The following NEUROG2 variants were observed in gnomAD, a reference collection of about 807,000 sequenced individuals.
NEUROG2 encodes neurogenin-2.
NEUROG2 carries 1 observed loss-of-function variant against 2.8 expected under a neutral mutation model. That is an observed-to-expected ratio of 0.36 (90% CI 0.13 to 1.71). NEUROG2 has a LOEUF of 1.71. Among genes scored for constraint, NEUROG2 ranks in the 40% most tolerant of loss-of-function variants. NEUROG2 has a pLI of 0.34. For missense variants in NEUROG2, 397 were observed against 392.7 expected (o/e 1.01, Z -0.09); for synonymous variants, 211 against 187.7 (o/e 1.12, Z -1.01).
chr4:112,515,143 C>A lies in NEUROG2; in HGVS notation c.333G>T (p.Lys111Asn), dbSNP rs1415059198. 6.2e-7 allele frequency: 1 copy of A among 1,613,782 alleles called. No individual in the cohort carries two copies. Among genetic ancestry groups the A allele is most frequent in the Admixed American group, 1.7e-5 (1 of 60,028 alleles). ...GGTTGTTGGCCTTCAGTCTACGGGTCTTCTTGATGCGCTGCACCGTCTCGG... is the reference window on the plus strand; with the variant it reads ...GGTTGTTGGCCTTCAGTCTACGGGTATTCTTGATGCGCTGCACCGTCTCGG... ...KTAETVQRIK[K>N]TRRLKANNRE... Residue 111 changes from lysine (K) to asparagine (N), a missense_variant, in exon 2 of 2, where the codon AAG becomes AAT. Coordinates refer to ENST00000313341, the MANE Select transcript of NEUROG2 (RefSeq NM_024019.4).
Position 112,515,241 on chromosome 4 carries a change from G to C in NEUROG2, c.235C>G (p.Leu79Val). The change falls in exon 2 of 2, where the codon CTG (leucine) becomes GTG (valine). Residue 79 changes from leucine (L) to valine (V), a missense_variant. By Grantham distance (32) the Leu-to-Val change is conservative (BLOSUM62 1). Transcript: ENST00000313341. Reference protein sequence around the residue: ...AGAEGCRPARLLGLVHDCKRR... With the variant: ...AGAEGCRPARVLGLVHDCKRR... ...TTGCAATCGTGTACCAGACCCAGCA[G>C]CCGTGCGGGCCGGCAGCCCTCCGCA... is the stretch of plus-strand genomic sequence containing the variant. The C allele has an allele frequency of 6.3e-7, 1 of 1,589,684 alleles. No individual in the cohort carries two copies. Among genetic ancestry groups the C allele is most frequent in the East Asian group, 2.3e-5 (1 of 43,730 alleles).
rs774914962 is a variant in NEUROG2, at chr4:112,514,624, T to A, written c.*33A>T. The A allele has an allele frequency of 6.8e-7, 1 of 1,474,040 alleles. No homozygotes were observed. Among genetic ancestry groups the A allele is most frequent in the African/African-American group, 1.4e-5 (1 of 69,156 alleles). 91.3% of individuals were successfully genotyped at this position (1,474,040 alleles called of 1,614,324 possible). On this transcript the variant is annotated 3_prime_UTR_variant, in exon 2 of 2. Coordinates refer to ENST00000313341, the MANE Select transcript of NEUROG2 (RefSeq NM_024019.4). ...ACTGGGGACAGGAAAGGGAACCCAC[T>A]AAGGCCTGGCGTGGGTAGCAGAAAT...
rs750080689 is a variant in NEUROG2, at chr4:112,515,153, C to T, written c.323G>A (p.Arg108His). The T allele has an allele frequency of 1.2e-6, 2 of 1,613,592 alleles. No individual in the cohort carries two copies. Among genetic ancestry groups the T allele is most frequent in the East Asian group, 2.2e-5 (1 of 44,840 alleles). ...CTTCAGTCTACGGGTCTTCTTGATGCGCTGCACCGTCTCGGCCGTCTTGGC... is the reference window on the plus strand; with the variant it reads ...CTTCAGTCTACGGGTCTTCTTGATGTGCTGCACCGTCTCGGCCGTCTTGGC... Reference protein sequence around the residue: ...RGAKTAETVQRIKKTRRLKAN... With the variant: ...RGAKTAETVQHIKKTRRLKAN... Residue 108 changes from arginine to histidine, a missense_variant, in exon 2 of 2, where the codon CGC (arginine) becomes CAC (histidine). By Grantham distance (29) the Arg-to-His change is conservative. Transcript: ENST00000313341.
In NEUROG2 at chr4:112,514,197, C is replaced by G. The variant is rs1346393196; in HGVS notation, c.*460G>C. 6.2e-6 allele frequency: 1 copy of G among 160,282 alleles called. No homozygotes were observed. The highest frequency in any genetic ancestry group is 1.4e-5 in the Non-Finnish European group (1 of 73,578). 9.9% of individuals were successfully genotyped at this position (160,282 alleles called of 1,614,324 possible). A position where few individuals can be genotyped will look rare whatever the true frequency, so the allele number is the denominator to read the frequency against. On this transcript the variant is annotated 3_prime_UTR_variant, in exon 2 of 2. Coordinates refer to ENST00000313341, the MANE Select transcript of NEUROG2 (RefSeq NM_024019.4). ...ATCATTCAGATGCTAAGATACATTT[C>G]TTTCTACTCGACATTAACATCTCTA...
In NEUROG2 at chr4:112,514,640, T is replaced by C; in HGVS notation, c.*17A>G. Reference sequence around the variant, plus strand: ...GGAACCCACTAAGGCCTGGCGTGGGTAGCAGAAATGGCAGCTCTAGATACA... The same window carrying C: ...GGAACCCACTAAGGCCTGGCGTGGGCAGCAGAAATGGCAGCTCTAGATACA... On this transcript the variant is annotated 3_prime_UTR_variant, in exon 2 of 2. Coordinates refer to ENST00000313341, the MANE Select transcript of NEUROG2 (RefSeq NM_024019.4). 6.7e-7 allele frequency: 1 copy of C among 1,491,558 alleles called. No individual in the cohort carries two copies. Among genetic ancestry groups the C allele is most frequent in the African/African-American group, 1.4e-5 (1 of 69,944 alleles). 92.4% of individuals were successfully genotyped at this position (1,491,558 alleles called of 1,614,324 possible). A position where few individuals can be genotyped will look rare whatever the true frequency, so the allele number is the denominator to read the frequency against.
chr4:112,514,697 C>A lies in NEUROG2; in HGVS notation c.779G>T (p.Arg260Leu), dbSNP rs771285991. The stretch of plus-strand genomic sequence containing the variant: ...GGCTATGGGGAGGTGAGGTGCATAG[C>A]GGTGCTTGTCGGGAGGTGGGGGCTG... The part of the protein sequence containing the change: ...YWQPPPPDKH[R>L]YAPHLPIARD... Residue 260 changes from arginine to leucine, a missense_variant, in exon 2 of 2, where the codon CGC becomes CTC. Arg to Leu is a moderately radical substitution (Grantham distance 102). Transcript: ENST00000313341. 4.6e-6 allele frequency: 7 copies of A among 1,517,712 alleles called. No homozygotes were observed. The highest frequency in any genetic ancestry group is 4.2e-5 in the African/African-American group (3 of 71,192). 94.0% of individuals were successfully genotyped at this position (1,517,712 alleles called of 1,614,324 possible). A position where few individuals can be genotyped will look rare whatever the true frequency, so the allele number is the denominator to read the frequency against.
chr4:112,515,318 C>T lies in NEUROG2; in HGVS notation c.158G>A (p.Arg53Gln), dbSNP rs762531271. The T allele has an allele frequency of 2.8e-6, 4 of 1,415,722 alleles. No homozygotes were observed. In the East Asian group the frequency reaches 1.1e-4, roughly 40 times the overall value. The allele number at this position is 1,415,722 out of a possible 1,614,324, so 87.7% of individuals were successfully genotyped here. The change falls in exon 2 of 2, where the codon CGG (arginine) becomes CAG (glutamine). Residue 53 changes from arginine (R) to glutamine (Q), a missense_variant. By Grantham distance (43) the Arg-to-Gln change is conservative. Coordinates refer to ENST00000313341, the MANE Select transcript of NEUROG2 (RefSeq NM_024019.4). ...CTGCCCGGCCTCAGCCCCGCGCTGCCGACGCGCCCCGCCTGACGCGCCCGG... is the reference window on the plus strand; with the variant it reads ...CTGCCCGGCCTCAGCCCCGCGCTGCTGACGCGCCCCGCCTGACGCGCCCGG... ...EEPGASGGARRQRGAEAGQGA... is the reference protein window; with the variant it reads ...EEPGASGGARQQRGAEAGQGA...
rs1736356359 is a variant in NEUROG2 at position 112,513,525 on chromosome 4, TTAGA to T, written c.*1128_*1131del. Reference sequence around the variant, plus strand: ...AATACAACACACAAACTTATGAAAATTAGATAGTTTATTTATAGTTTAATCACAA... The same window carrying T: ...AATACAACACACAAACTTATGAAAATTAGTTTATTTATAGTTTAATCACAA... On this transcript the variant is annotated 3_prime_UTR_variant, in exon 2 of 2. Transcript: ENST00000313341. 1 of 152,568 alleles carries T rather than the reference TTAGA, an allele frequency of 6.6e-6. No individual in the cohort carries two copies. Among genetic ancestry groups the T allele is most frequent in the African/African-American group, 2.4e-5 (1 of 41,540 alleles). 9.5% of individuals were successfully genotyped at this position (152,568 alleles called of 1,614,324 possible).
At position 112,515,248 on chromosome 4, in the gene NEUROG2, G is replaced by A. The variant is rs764830370; in HGVS notation, c.228C>T (p.Pro76=). The part of the protein sequence containing the change: ...GVAAGAEGCR[P]ARLLGLVHDC... ...CGTGTACCAGACCCAGCAGCCGTGC[G>A]GGCCGGCAGCCCTCCGCACCCGCAG... The change falls in exon 2 of 2, where the codon CCC becomes CCT. Residue 76 remains proline, a synonymous_variant. Coordinates refer to ENST00000313341, the MANE Select transcript of NEUROG2 (RefSeq NM_024019.4). 1.3e-6 allele frequency: 2 copies of A among 1,582,948 alleles called. No homozygotes were observed. Among genetic ancestry groups the A allele is most frequent in the East Asian group, 2.3e-5 (1 of 42,958 alleles).
Position 112,515,171 on chromosome 4 carries a change from G to A in NEUROG2, c.305C>T (p.Thr102Met). 6.2e-7 allele frequency: 1 copy of A among 1,612,978 alleles called. No homozygotes were observed. Among genetic ancestry groups the A allele is most frequent in the Non-Finnish European group, 8.5e-7 (1 of 1,179,850 alleles). Residue 102 changes from threonine to methionine, a missense_variant, in exon 2 of 2, where the codon ACG (threonine) becomes ATG (methionine). Transcript: ENST00000313341. ...CTTGATGCGCTGCACCGTCTCGGCCGTCTTGGCGCCTCGGGAGACGGCCCG... is the reference window on the plus strand; with the variant it reads ...CTTGATGCGCTGCACCGTCTCGGCCATCTTGGCGCCTCGGGAGACGGCCCG... ...RARAVSRGAK[T>M]AETVQRIKKT...
chr4:112,513,752 G>T lies in NEUROG2; in HGVS notation c.*905C>A, dbSNP rs916989936. Reference sequence around the variant, plus strand: ...TTATTTTTAATCTCTTGAAAGAATGGGGGAGTTCCTTCTCCCCTAAAAGGT... The same window carrying T: ...TTATTTTTAATCTCTTGAAAGAATGTGGGAGTTCCTTCTCCCCTAAAAGGT... On this transcript the variant is annotated 3_prime_UTR_variant, in exon 2 of 2. Coordinates refer to ENST00000313341, the MANE Select transcript of NEUROG2 (RefSeq NM_024019.4). 2 of 152,568 alleles carry T rather than the reference G, an allele frequency of 1.3e-5. No individual in the cohort carries two copies. Among genetic ancestry groups the T allele is most frequent in the African/African-American group, 4.8e-5 (2 of 41,430 alleles). The allele number at this position is 152,568 out of a possible 1,614,324, so 9.5% of individuals were successfully genotyped here.
In NEUROG2 at chr4:112,514,351, T is replaced by A; in HGVS notation, c.*306A>T. On this transcript the variant is annotated 3_prime_UTR_variant, in exon 2 of 2. Transcript: ENST00000313341. ...GCGTCAGTCCGCTCTGCAAACTCTT[T>A]AGATATGCCACCATCATCTCTTCCC... is the stretch of plus-strand genomic sequence containing the variant. 1 of 324,230 alleles carries A rather than the reference T, an allele frequency of 3.1e-6. No homozygotes were observed. The highest frequency in any genetic ancestry group is 1.5e-4 in the South Asian group (1 of 6,626). The allele number at this position is 324,230 out of a possible 1,614,324, so 20.1% of individuals were successfully genotyped here.
chr4:112,515,119 G>T lies in NEUROG2; in HGVS notation c.357C>A (p.Asn119Lys), dbSNP rs753349189. 5 of 1,613,946 alleles carry T rather than the reference G, an allele frequency of 3.1e-6. No homozygotes were observed. The highest frequency in any genetic ancestry group is 2.2e-5 in the East Asian group (1 of 44,866). The change falls in exon 2 of 2, where the codon AAC becomes AAA. Residue 119 changes from asparagine to lysine, a missense_variant. Coordinates refer to ENST00000313341, the MANE Select transcript of NEUROG2 (RefSeq NM_024019.4). ...GGTTGTGCATGCGGTTTCGCTCGCGGTTGTTGGCCTTCAGTCTACGGGTCT... is the reference window on the plus strand; with the variant it reads ...GGTTGTGCATGCGGTTTCGCTCGCGTTTGTTGGCCTTCAGTCTACGGGTCT... ...IKKTRRLKAN[N>K]RERNRMHNLN...
chr4:112,514,560 G>A lies in NEUROG2; in HGVS notation c.*97C>T, dbSNP rs1578610627. 1 of 974,442 alleles carries A rather than the reference G, an allele frequency of 1.0e-6. No individual in the cohort carries two copies. The highest frequency in any genetic ancestry group is 1.5e-6 in the Non-Finnish European group (1 of 686,720). The allele number at this position is 974,442 out of a possible 1,614,324, so 60.4% of individuals were successfully genotyped here. On this transcript the variant is annotated 3_prime_UTR_variant, in exon 2 of 2. Coordinates refer to ENST00000313341, the MANE Select transcript of NEUROG2 (RefSeq NM_024019.4). ...CCCTGTGAAGTGAGATGGTTTCCAG[G>A]GCGTGGAAAGGAGGGGCAGGGGAAG... is the stretch of plus-strand genomic sequence containing the variant.
Position 112,515,399 on chromosome 4 carries a change from G to T in NEUROG2, c.77C>A (p.Ala26Asp). Reference protein sequence around the residue: ...VLVLLGSASPALAALTPLSSS... With the variant: ...VLVLLGSASPDLAALTPLSSS... Reference sequence around the variant, plus strand: ...TGACAGCGGGGTCAGGGCCGCCAAGGCGGGGGAGGCCGATCCGAGCAGCAC... The same window carrying T: ...TGACAGCGGGGTCAGGGCCGCCAAGTCGGGGGAGGCCGATCCGAGCAGCAC... Residue 26 changes from alanine (A) to aspartate (D), a missense_variant, in exon 2 of 2, where the codon GCC (alanine) becomes GAC (aspartate). Transcript: ENST00000313341. 1 of 1,525,400 alleles carries T rather than the reference G, an allele frequency of 6.6e-7. No homozygotes were observed. The highest frequency in any genetic ancestry group is 8.7e-7 in the Non-Finnish European group (1 of 1,147,270). The allele number at this position is 1,525,400 out of a possible 1,614,324, so 94.5% of individuals were successfully genotyped here.
chr4:112,514,653 A>G lies in NEUROG2; in HGVS notation c.*4T>C. The G allele has an allele frequency of 6.7e-7, 1 of 1,493,854 alleles. No individual in the cohort carries two copies. Among genetic ancestry groups the G allele is most frequent in the Non-Finnish European group, 8.9e-7 (1 of 1,123,888 alleles). 92.5% of individuals were successfully genotyped at this position (1,493,854 alleles called of 1,614,324 possible). On this transcript the variant is annotated 3_prime_UTR_variant, in exon 2 of 2. Coordinates refer to ENST00000313341, the MANE Select transcript of NEUROG2 (RefSeq NM_024019.4). ...GCCTGGCGTGGGTAGCAGAAATGGC[A>G]GCTCTAGATACAATCCCTGGCTATG...
Position 112,515,328 on chromosome 4 carries a change from C to T in NEUROG2, c.148G>A (p.Gly50Arg), listed in dbSNP as rs200389595. The T allele has an allele frequency of 4.2e-6, 6 of 1,436,178 alleles. No individual in the cohort carries two copies. The African/African-American group carries it at 5.9e-5, about 14-fold the overall frequency. The allele number at this position is 1,436,178 out of a possible 1,614,324, so 89.0% of individuals were successfully genotyped here. A position where few individuals can be genotyped will look rare whatever the true frequency, so the allele number is the denominator to read the frequency against. ...EEEEEPGASG[G>R]ARRQRGAEAG... ...TCAGCCCCGCGCTGCCGACGCGCCC[C>T]GCCTGACGCGCCCGGCTCCTCCTCC... Residue 50 changes from glycine (G) to arginine (R), a missense_variant, in exon 2 of 2, where the codon GGG becomes AGG. Gly to Arg is a moderately radical substitution (Grantham distance 125, BLOSUM62 -2). Coordinates refer to ENST00000313341, the MANE Select transcript of NEUROG2 (RefSeq NM_024019.4).
At position 112,514,776 on chromosome 4, in the gene NEUROG2, A is replaced by AG. The variant is rs1736389079; in HGVS notation, c.699dup (p.Tyr234LeufsTer84). 6.5e-7 allele frequency: 1 copy of AG among 1,546,964 alleles called. No individual in the cohort carries two copies. The highest frequency in any genetic ancestry group is 8.7e-7 in the Non-Finnish European group (1 of 1,152,230). ...CTGGCGGGCGATAAAGTGCAGCTGT[A>AG]GGGGGAGGTGGAATTGGAGGACACG... is the stretch of plus-strand genomic sequence containing the variant. On this transcript the variant is annotated frameshift_variant, in exon 2 of 2. Transcript: ENST00000313341. LOFTEE classifies it high-confidence loss of function.
chr4:112,514,717 G>A lies in NEUROG2; in HGVS notation c.759C>T (p.Pro253=), dbSNP rs761357798. ...CATAGCGGTGCTTGTCGGGAGGTGG[G>A]GGCTGCCAATAGTCCATGTCTGACC... ...PAGSDMDYWQ[P]PPPDKHRYAP... The change falls in exon 2 of 2, where the codon CCC becomes CCT. Residue 253 remains proline (P), a synonymous_variant. Transcript: ENST00000313341. 2 of 1,519,454 alleles carry A rather than the reference G, an allele frequency of 1.3e-6. No individual in the cohort carries two copies. Among genetic ancestry groups the A allele is most frequent in the South Asian group, 2.7e-5 (2 of 75,028 alleles). The allele number at this position is 1,519,454 out of a possible 1,614,324, so 94.1% of individuals were successfully genotyped here.
Sources: allele counts gnomAD v4.1 joint callset, GRCh38; gene constraint gnomAD v4.1.1; transcripts MANE v1.5; gene names NCBI Gene and HGNC (gene_info 2026-07-23, HGNC 2026-07-21).